The following KCNMA1 variants were observed in gnomAD, a reference collection of about 807,000 sequenced individuals.
KCNMA1 encodes the protein Calcium-activated potassium channel subunit alpha-1.
Under a neutral mutation model 140.0 loss-of-function variants are expected in KCNMA1, and 29 were observed. The ratio of observed to expected loss-of-function variants is 0.21; its 90% CI spans 0.15 to 0.28. The LOEUF is 0.28. KCNMA1 is among the 10% of genes least tolerant of loss of function. The pLI is 1.00. For synonymous variants in KCNMA1, 612 were observed against 611.9 expected (o/e 1.00, Z 0.00); for missense variants, 880 against 1,602.2 (o/e 0.55, Z 7.70).
intron 3 of KCNMA1, among the ~76,000 whole-genome samples, chr10:77,213,363 C>T (rs915686111): frequency 2.6e-5 from 4 of 152,076 alleles, no homozygotes; most frequent in African/African-American, 7.2e-5. Flanking sequence ...AGGCAGTAGG[C>T]GAGGTCTAAG....
intron 25 of KCNMA1, among the ~76,000 whole-genome samples, chr10:76,900,957 T>C (rs1196383172): frequency 6.6e-6 from 1 of 151,212 alleles, no homozygotes; most frequent in Non-Finnish European, 1.5e-5. Flanking sequence ...TGTTCAAAGA[T>C]TTATGTACAA....
intron 20 of KCNMA1, among the ~76,000 whole-genome samples, chr10:76,957,234 C>T (rs139626516): frequency 6.6e-6 from 1 of 151,750 alleles, no homozygotes; most frequent in East Asian, 1.9e-4. Flanking sequence ...CAGTAGGACC[C>T]ACCCAGAGAA....
chr10:77,367,411 C>T (rs956189777), intron 2 of KCNMA1, among the ~76,000 whole-genome samples: 2 of 152,132 alleles, frequency 1.3e-5, no homozygotes, highest in Non-Finnish European at 2.9e-5. Context: ...CTGCATGTTA[C>T]GATGTTTCCT....
At chr10:77,490,340 C>T (rs1012860599) in intron 1 of KCNMA1, among the ~76,000 whole-genome samples, 2 of 152,188 alleles carry the variant, frequency 1.3e-5, no homozygotes, top group Admixed American at 6.5e-5. Context: ...CTCTACCTCA[C>T]TCCCCTCAAC....
In KCNMA1 at chr10:76,885,125, G is replaced by A; in HGVS notation, c.*2141C>T. ...TTCTTATAGTTATAAATGTTCTGAG[G>A]GCGTAACTTTATAACCTCCTTTGCA... On this transcript the variant is annotated 3_prime_UTR_variant, in exon 28 of 28. Coordinates refer to ENST00000286628, the MANE Select transcript of KCNMA1 (RefSeq NM_001161352.2). 1 of 1,464,168 alleles carries A rather than the reference G, an allele frequency of 6.8e-7. No individual in the cohort carries two copies. Among genetic ancestry groups the A allele is most frequent in the Non-Finnish European group, 9.0e-7 (1 of 1,106,080 alleles). 90.7% of individuals were successfully genotyped at this position (1,464,168 alleles called of 1,614,324 possible).
intron 19 of KCNMA1, among the ~76,000 whole-genome samples, chr10:76,998,698 C>T (rs2153391122): frequency 6.6e-6 from 1 of 152,300 alleles, no homozygotes; most frequent in East Asian, 1.9e-4. Context: ...CCACTCTCAC[C>T]ACTGCTCTTG....
At chr10:76,915,288 A>T (rs1044840279) in intron 23 of KCNMA1, among the ~76,000 whole-genome samples, 5 of 152,260 alleles carry the variant, frequency 3.3e-5, no homozygotes, top group Non-Finnish European at 7.4e-5. Context: ...ACTTCATACC[A>T]ATTATTTATT....
At chr10:77,479,977 A>ACT (rs1237777246) in intron 1 of KCNMA1, among the ~76,000 whole-genome samples, 1 of 152,134 alleles carries the variant, frequency 6.6e-6, no homozygotes, top group East Asian at 1.9e-4. Context: ...AGTACTTGAC[A>ACT]CTTCAGATCT....
intron 1 of KCNMA1, among the ~76,000 whole-genome samples, chr10:77,527,701 G>A (rs550524782): frequency 7.0e-4 from 106 of 151,146 alleles, no homozygotes; most frequent in Non-Finnish European, 1.3e-3. Context: ...GAGAAAGAAA[G>A]AGAGAGAGCG....
At chr10:77,220,664 T>A (rs950281553) in intron 3 of KCNMA1, among the ~76,000 whole-genome samples, 2 of 152,164 alleles carry the variant, frequency 1.3e-5, no homozygotes, top group African/African-American at 2.4e-5. Context: ...TCTCTTCCTT[T>A]CCTGGGGAGT....
At chr10:77,303,521 T>C (rs914364797) in intron 2 of KCNMA1, among the ~76,000 whole-genome samples, 5 of 152,192 alleles carry the variant, frequency 3.3e-5, no homozygotes, top group African/African-American at 1.2e-4. Context: ...TTTTATACTT[T>C]GCAATGAAGA....
chr10:77,192,854 G>A (rs1598383769), intron 3 of KCNMA1, among the ~76,000 whole-genome samples: 1 of 152,062 alleles, frequency 6.6e-6, no homozygotes, highest in African/African-American at 2.4e-5. Context: ...TGTGCATTGG[G>A]CTACTGTAAG....
chr10:77,179,471 G>A (rs1213837804), intron 5 of KCNMA1, among the ~76,000 whole-genome samples: 1 of 152,128 alleles, frequency 6.6e-6, no homozygotes, highest in African/African-American at 2.4e-5. Context: ...GGAGGAGGGG[G>A]AAAGAGGAGC....
At chr10:77,471,347 C>A (rs1468551258) in intron 1 of KCNMA1, among the ~76,000 whole-genome samples, 1 of 150,740 alleles carries the variant, frequency 6.6e-6, no homozygotes, top group Non-Finnish European at 1.5e-5. Context: ...ACACACAACA[C>A]AACACATGTA....
intron 2 of KCNMA1, among the ~76,000 whole-genome samples, chr10:77,395,981 C>A (rs2096037662): frequency 6.6e-6 from 1 of 152,056 alleles, no homozygotes; most frequent in South Asian, 2.1e-4. Flanking sequence ...AAGAATGTAT[C>A]TTCTTTGACT....
chr10:77,387,014 C>T lies in KCNMA1; in HGVS notation c.540+16848G>A, dbSNP rs2095626576. On this transcript the variant is annotated intron_variant, in intron 2 of 27. Transcript: ENST00000286628. The stretch of plus-strand genomic sequence containing the variant: ...GGGGCACAGGGAAAGGCATCTGCAG[C>T]GATTGGGAGAAAGAACCCGGGAGTG... Among the ~76,000 whole-genome samples, 10 of 152,062 alleles carry T rather than the reference C, an allele frequency of 6.6e-5. No homozygotes were observed. The South Asian group carries it at 2.1e-3, about 31-fold the overall frequency.
chr10:77,305,535 C>T (rs2077491072), intron 2 of KCNMA1, among the ~76,000 whole-genome samples: 1 of 152,324 alleles, frequency 6.6e-6, no homozygotes, highest in East Asian at 1.9e-4. Flanking sequence ...TTCAGGTTCT[C>T]AGAGGGGAGC....
chr10:77,321,920 C>A (rs1404955478), intron 2 of KCNMA1, among the ~76,000 whole-genome samples: 1 of 152,150 alleles, frequency 6.6e-6, no homozygotes, highest in Non-Finnish European at 1.5e-5. Context: ...CAGGATGATA[C>A]CAACTGCATT....
At chr10:77,421,880 T>C (rs1349885603) in intron 1 of KCNMA1, among the ~76,000 whole-genome samples, 1 of 152,208 alleles carries the variant, frequency 6.6e-6, no homozygotes, top group South Asian at 2.1e-4. Context: ...ACTGAATGCC[T>C]TGATATGTGG....
Sources: gnomAD v4.1 joint callset for allele counts (sites outside exome capture counted in the v4.1 genomes callset) on GRCh38, gnomAD v4.1.1 for gene constraint, MANE v1.5 for transcripts, NCBI Gene and HGNC (gene_info 2026-07-23, HGNC 2026-07-21) for gene names.